TNNI3K: variants seen among roughly 807,000 people sequenced by gnomAD.
TNNI3K encodes the protein TNNI3 interacting kinase, also known as serine/threonine-protein kinase TNNI3K.
TNNI3K carries 140 observed loss-of-function variants against 114.5 expected under a neutral mutation model. That is an observed-to-expected ratio of 1.22 (90% CI 1.07 to 1.41). The LOEUF (loss-of-function observed/expected upper bound fraction) is 1.41. Among genes scored for constraint, TNNI3K ranks in the 40% most tolerant of loss-of-function variants. The probability of loss-of-function intolerance (pLI) is 0.00; values close to 1 mark genes in which losing one functional copy is unlikely to be tolerated. For synonymous variants in TNNI3K, 347 were observed against 347.5 expected, an observed-to-expected ratio of 1.00 and a Z score of 0.02; for missense variants, 1,125 against 1,007.6, an observed-to-expected ratio of 1.12 and a Z score of -1.58.
intron 17 of TNNI3K, among the ~76,000 whole-genome samples, chr1:74,433,753 T>C (rs913986030): frequency 1.3e-5 from 2 of 152,070 alleles, no homozygotes. Flanking sequence ...TAGTTGTTTA[T>C]CAGGTGGGTC....
intron 21 of TNNI3K, among the ~76,000 whole-genome samples, chr1:74,476,455 G>A (rs1315615238): frequency 2.0e-5 from 3 of 151,962 alleles, no homozygotes; most frequent in Non-Finnish European, 2.9e-5. Flanking sequence ...ATGCTTGTTC[G>A]CAGACTGTCC....
At position 74,298,151 on chromosome 1, in the gene TNNI3K, C is replaced by G. The variant is rs546603637; in HGVS notation, c.444+26443C>G. 2.0e-5 allele frequency among the ~76,000 whole-genome samples: 3 copies of G among 152,214 alleles called. No individual in the cohort carries two copies. In the East Asian group the frequency reaches 5.8e-4, roughly 29 times the overall value. The stretch of plus-strand genomic sequence containing the variant: ...ACTATGGTTGATCTCATTCTGAATA[C>G]TAACTAAAGATATCATTTATTTGCC... On this transcript the variant is annotated intron_variant, in intron 5 of 24. Transcript: ENST00000326637.
chr1:74,302,919 C>T (rs1379225367), intron 5 of TNNI3K, among the ~76,000 whole-genome samples: 1 of 152,148 alleles, frequency 6.6e-6, no homozygotes, highest in African/African-American at 2.4e-5. Flanking sequence ...GTAGATGAAA[C>T]AGTCTTATAT....
intron 20 of TNNI3K, among the ~76,000 whole-genome samples, chr1:74,441,004 C>A (rs1666353518): frequency 6.6e-6 from 1 of 152,100 alleles, no homozygotes; most frequent in Non-Finnish European, 1.5e-5. Context: ...GGTTTCTCTA[C>A]CACTTACCAT....
chr1:74,518,958 T>C (rs1460527591), intron 23 of TNNI3K, among the ~76,000 whole-genome samples: 1 of 108,354 alleles, frequency 9.2e-6, no homozygotes, highest in Non-Finnish European at 1.7e-5. Flanking sequence ...TGTATACATG[T>C]GCCATGCTGG....
intron 4 of TNNI3K, 35 bp from the exon 5 acceptor site, chr1:74,271,563 C>A (rs1656349096): frequency 1.9e-5 from 30 of 1,554,720 alleles, no homozygotes; most frequent in Non-Finnish European, 2.6e-5. Flanking sequence ...CTGTTATTAG[C>A]AGAAAAGTAA....
intron 20 of TNNI3K, 69 bp downstream of exon 20, chr1:74,439,691 A>C: frequency 6.3e-7 from 1 of 1,582,106 alleles, no homozygotes; most frequent in Non-Finnish European, 8.6e-7. Flanking sequence ...CTTCAAGAAA[A>C]TTTTTTTTCA....
At chr1:74,315,291 G>T (rs899293843) in intron 5 of TNNI3K, among the ~76,000 whole-genome samples, 1 of 152,096 alleles carries the variant, frequency 6.6e-6, no homozygotes, top group African/African-American at 2.4e-5. Flanking sequence ...CTATTTCCAA[G>T]ACTGATATTT....
At chr1:74,329,239 T>C (rs750365983) in intron 5 of TNNI3K, among the ~76,000 whole-genome samples, 1 of 152,074 alleles carries the variant, frequency 6.6e-6, no homozygotes, top group Admixed American at 6.6e-5. Flanking sequence ...GGAGCACCTC[T>C]TTCTGTGTTT....
At chr1:74,473,532 A>ATT (rs11422312) in intron 21 of TNNI3K, among the ~76,000 whole-genome samples, 4,571 of 149,476 alleles carry the variant, frequency 0.031, 161 homozygotes, top group African/African-American at 0.082. Context: ...TTAAAAGGCT[A>ATT]TTTTTTTTTT....
intron 17 of TNNI3K, among the ~76,000 whole-genome samples, chr1:74,403,464 G>A (rs1664469509): frequency 6.6e-6 from 1 of 152,008 alleles, no homozygotes; most frequent in Non-Finnish European, 1.5e-5. Context: ...CTTTCAGTAT[G>A]TCAATACTAA....
intron 20 of TNNI3K, among the ~76,000 whole-genome samples, chr1:74,453,247 C>T (rs906354259): frequency 6.6e-6 from 1 of 152,106 alleles, no homozygotes. Flanking sequence ...ATCTTTGTTC[C>T]AATATCCCAG....
intron 2 of TNNI3K, among the ~76,000 whole-genome samples, chr1:74,238,849 C>A (rs568241705): frequency 6.6e-6 from 1 of 152,032 alleles, no homozygotes; most frequent in Admixed American, 6.6e-5. Context: ...AACTAGGGGC[C>A]TCTTATGTTA....
chr1:74,387,665 T>C (rs1663555749), intron 17 of TNNI3K, among the ~76,000 whole-genome samples: 1 of 152,154 alleles, frequency 6.6e-6, no homozygotes, highest in Admixed American at 6.6e-5. Context: ...AGAGAACCTG[T>C]AACCAAAATA....
At chr1:74,259,334 G>A (rs980314473) in intron 4 of TNNI3K, among the ~76,000 whole-genome samples, 8 of 152,172 alleles carry the variant, frequency 5.3e-5, no homozygotes, top group East Asian at 1.9e-4. Flanking sequence ...GCCCAAGAAC[G>A]AGGATCAGTG....
At chr1:74,288,730 GTATA>G (rs1657480805) in intron 5 of TNNI3K, among the ~76,000 whole-genome samples, 1 of 152,006 alleles carries the variant, frequency 6.6e-6, no homozygotes, top group Admixed American at 6.6e-5. Context: ...ATATTATGTT[GTATA>G]CTTTAAATTT....
intron 24 of TNNI3K, among the ~76,000 whole-genome samples, chr1:74,543,592 G>A (rs1004098381): frequency 4.6e-5 from 7 of 152,190 alleles, no homozygotes; most frequent in African/African-American, 1.4e-4. Flanking sequence ...AGATTTGCCT[G>A]ACGTGAAAGC....
chr1:74,394,405 A>G (rs1053041795), intron 17 of TNNI3K, among the ~76,000 whole-genome samples: 3 of 152,170 alleles, frequency 2.0e-5, no homozygotes, highest in South Asian at 4.1e-4. Flanking sequence ...TATTTTATTT[A>G]CTATATGAAG....
intron 21 of TNNI3K, chr1:74,475,401 T>G (rs1204768299): frequency 1.4e-6 from 1 of 717,186 alleles, no homozygotes; most frequent in South Asian, 1.5e-5. Context: ...TAAGTAAGCC[T>G]GCTTCATTAA....
Sources: allele counts gnomAD v4.1 joint callset (sites outside exome capture counted in the v4.1 genomes callset), GRCh38; gene constraint gnomAD v4.1.1; transcripts MANE v1.5; gene names NCBI Gene and HGNC (gene_info 2026-07-23, HGNC 2026-07-21).